LIMS1: variants seen among roughly 807,000 people sequenced by gnomAD.
LIMS1 encodes the protein LIM and senescent cell antigen-like-containing domain protein 1.
LIMS1 carries 18 observed loss-of-function variants against 44.1 expected under a neutral mutation model. That is an observed-to-expected ratio of 0.41 (90% confidence interval 0.28 to 0.61). LIMS1 has a LOEUF of 0.61. LIMS1 is among the 20% of genes least tolerant of loss of function. The pLI, the probability that LIMS1 is intolerant of heterozygous loss-of-function variation, is 0.32. For synonymous variants in LIMS1, 93 were observed against 149.1 expected, an observed-to-expected ratio of 0.62 and a Z score of 2.74; for missense variants, 201 against 422.0, an observed-to-expected ratio of 0.48 and a Z score of 4.59.
intron 1 of LIMS1, among the ~76,000 whole-genome samples, chr2:108,589,250 A>G (rs981284631): frequency 1.3e-5 from 2 of 152,140 alleles, no homozygotes; most frequent in Non-Finnish European, 2.9e-5. Context: ...ATGGAGTACA[A>G]TGTGATATTT....
At chr2:108,558,452 G>A (rs543943820) in intron 1 of LIMS1, among the ~76,000 whole-genome samples, 47 of 151,640 alleles carry the variant, frequency 3.1e-4, no homozygotes, top group Admixed American at 9.2e-4. Flanking sequence ...CTCGTGATCC[G>A]CCTGCCTCAG....
intron 1 of LIMS1, chr2:108,659,179 A>G (rs1221878112): frequency 1.1e-6 from 1 of 937,806 alleles, no homozygotes; most frequent in Non-Finnish European, 1.3e-6. Flanking sequence ...GTTGACATGC[A>G]TTTTAGATTC....
chr2:108,598,945 G>C (rs1686859003), intron 1 of LIMS1, among the ~76,000 whole-genome samples: 1 of 152,036 alleles, frequency 6.6e-6, no homozygotes, highest in South Asian at 2.1e-4. Flanking sequence ...TCAGTCTGTG[G>C]GCCAAATCTA....
At chr2:108,622,066 G>A (rs1224100607) in intron 1 of LIMS1, among the ~76,000 whole-genome samples, 1 of 152,146 alleles carries the variant, frequency 6.6e-6, no homozygotes, top group Admixed American at 6.5e-5. Context: ...AAATTTCTTA[G>A]ATTTGAGGTT....
At chr2:108,589,609 T>A (rs1042579040) in intron 1 of LIMS1, among the ~76,000 whole-genome samples, 1 of 152,198 alleles carries the variant, frequency 6.6e-6, no homozygotes, top group Admixed American at 6.5e-5. Flanking sequence ...GGCTGTTATT[T>A]GAGATCTTTC....
intron 9 of LIMS1, among the ~76,000 whole-genome samples, chr2:108,683,593 A>G (rs967837735): frequency 2.0e-5 from 3 of 151,736 alleles, no homozygotes; most frequent in Non-Finnish European, 2.9e-5. Flanking sequence ...TTATATTTAC[A>G]TTAGATTTCC....
chr2:108,674,829 G>T, intron 5 of LIMS1, among the ~76,000 whole-genome samples: 1 of 148,780 alleles, frequency 6.7e-6, no homozygotes, highest in Non-Finnish European at 1.5e-5. Context: ...TCGTTTTCTT[G>T]CCTGTCCTTC....
In LIMS1 at chr2:108,627,709, C is replaced by G. The variant is rs557566950; in HGVS notation, c.33-31896C>G. Among the ~76,000 whole-genome samples, 16 of 152,240 alleles carry G rather than the reference C, an allele frequency of 1.1e-4. No homozygotes were observed. The South Asian group carries it at 3.3e-3, about 32-fold the overall frequency. On this transcript the variant is annotated intron_variant, in intron 1 of 9. Coordinates refer to ENST00000544547, the Ensembl canonical transcript of LIMS1. ...TTAAAAGGAAACAGTACTATTTATT[C>G]TACATGTATGTATCTTAGAGACACA...
chr2:108,579,704 C>T (rs568992774), intron 1 of LIMS1, among the ~76,000 whole-genome samples: 1 of 152,344 alleles, frequency 6.6e-6, no homozygotes, highest in East Asian at 1.9e-4. Context: ...CACAGCGAGC[C>T]TGCCCTCTGC....
chr2:108,648,633 A>T (rs1690243677), intron 1 of LIMS1, among the ~76,000 whole-genome samples: 1 of 152,168 alleles, frequency 6.6e-6, no homozygotes, highest in African/African-American at 2.4e-5. Context: ...ACCAAAACAG[A>T]TATATAAACC....
chr2:108,625,306 T>C (rs745850469), intron 1 of LIMS1, among the ~76,000 whole-genome samples: 1 of 152,252 alleles, frequency 6.6e-6, no homozygotes, highest in African/African-American at 2.4e-5. Context: ...TTTGTATGTG[T>C]TGCCTGTGGT....
chr2:108,579,844 C>T (rs1685818791), intron 1 of LIMS1, among the ~76,000 whole-genome samples: 1 of 152,158 alleles, frequency 6.6e-6, no homozygotes, highest in African/African-American at 2.4e-5. Context: ...GAGGAAGCGA[C>T]CTCTTGACTG....
intron 1 of LIMS1, among the ~76,000 whole-genome samples, chr2:108,540,665 A>T (rs1473031401): frequency 1.3e-5 from 2 of 152,332 alleles, no homozygotes; most frequent in Admixed American, 1.3e-4. Flanking sequence ...GTTGGAACCT[A>T]CTGAACTCAT....
chr2:108,670,213 A>T (rs1573604977), intron 2 of LIMS1, among the ~76,000 whole-genome samples: 1 of 152,186 alleles, frequency 6.6e-6, no homozygotes, highest in Non-Finnish European at 1.5e-5. Context: ...GGGCTGAGCT[A>T]CTGGCTAACG....
In LIMS1 at chr2:108,636,143, G is replaced by C. The variant is rs527246654; in HGVS notation, c.33-23462G>C. Among the ~76,000 whole-genome samples, 2 of 152,324 alleles carry C rather than the reference G, an allele frequency of 1.3e-5. 1 individual carries two copies. Among genetic ancestry groups the C allele is most frequent in the South Asian group, 4.1e-4 (2 of 4,834 alleles). On this transcript the variant is annotated intron_variant, in intron 1 of 9. Transcript: ENST00000544547. ...AGCCACGGACCCTAGAGCTGAGTTA[G>C]AGTGCCAAGGGAGGAGCCCTACTCC...
At chr2:108,680,591 C>T in intron 8 of LIMS1, 104 bp from the exon 9 acceptor site, 5 of 1,529,960 alleles carry the variant, frequency 3.3e-6, no homozygotes, top group Non-Finnish European at 4.5e-6. Context: ...CACCAAGTGC[C>T]ACAGACACAG....
intron 5 of LIMS1, among the ~76,000 whole-genome samples, chr2:108,674,284 C>T (rs1257798905): frequency 6.6e-6 from 1 of 151,776 alleles, no homozygotes; most frequent in Non-Finnish European, 1.5e-5. Flanking sequence ...GAGCTGAGAT[C>T]GCACCACTGC....
At chr2:108,612,175 G>A (rs953170638) in intron 1 of LIMS1, among the ~76,000 whole-genome samples, 2 of 151,572 alleles carry the variant, frequency 1.3e-5, no homozygotes, top group Non-Finnish European at 2.9e-5. Flanking sequence ...GTCTCACAGA[G>A]TGACTGGTTT....
At chr2:108,534,551 G>A in exon 1 of LIMS1, 1 of 1,206,496 alleles carries the variant, frequency 8.3e-7, no homozygotes, top group South Asian at 3.4e-5. Flanking sequence ...GGCGGCGGCC[G>A]AAAGCGGAGA....
Sources: gnomAD v4.1 joint callset for allele counts (sites outside exome capture counted in the v4.1 genomes callset) on GRCh38, gnomAD v4.1.1 for gene constraint, MANE v1.5 for transcripts, NCBI Gene and HGNC (gene_info 2026-07-23, HGNC 2026-07-21) for gene names.